The following ARHGEF10L variants were observed in gnomAD, a reference collection of about 807,000 sequenced individuals.
The protein encoded by ARHGEF10L is Rho guanine nucleotide exchange factor 10 like, also known as rho guanine nucleotide exchange factor 10-like protein.
A neutral mutation model predicts 141.2 loss-of-function variants in ARHGEF10L; 69 were observed. The observed-to-expected ratio is 0.49, with a 90% CI of 0.40 to 0.60. The LOEUF (loss-of-function observed/expected upper bound fraction) is 0.60. Ranked by LOEUF, ARHGEF10L falls within the 20% of genes least tolerant of loss-of-function variation. The pLI is 0.00. For missense variants in ARHGEF10L, 1,482 were observed against 1,734.3 expected, an observed-to-expected ratio of 0.85 and a Z score of 2.58; for synonymous variants, 711 against 718.5, an observed-to-expected ratio of 0.99 and a Z score of 0.17.
intron 27 of ARHGEF10L, among the ~76,000 whole-genome samples, chr1:17,693,042 G>A (rs1396304058): frequency 1.3e-5 from 2 of 152,172 alleles, no homozygotes; most frequent in Admixed American, 1.3e-4. Flanking sequence ...GCTCTGCCCT[G>A]TCGCCCTGTT....
chr1:17,671,893 G>A (rs925770750), intron 26 of ARHGEF10L, among the ~76,000 whole-genome samples: 3 of 152,250 alleles, frequency 2.0e-5, no homozygotes, highest in African/African-American at 7.2e-5. Context: ...GCTCAGTAAA[G>A]GGTGGTTAAG....
At chr1:17,578,176 TG>T in intron 1 of ARHGEF10L, among the ~76,000 whole-genome samples, 1 of 152,250 alleles carries the variant, frequency 6.6e-6, no homozygotes, top group East Asian at 1.9e-4. Flanking sequence ...CTGGAACTCT[TG>T]GGGCAGCAGA....
chr1:17,556,318 T>C (rs972553070), intron 1 of ARHGEF10L, among the ~76,000 whole-genome samples: 12 of 63,752 alleles, frequency 1.9e-4, no homozygotes, highest in Admixed American at 3.3e-4. Context: ...AGCACGGGGG[T>C]GGGCCTGGGA....
At chr1:17,679,430 T>C (rs1286661371) in intron 26 of ARHGEF10L, among the ~76,000 whole-genome samples, 1 of 152,110 alleles carries the variant, frequency 6.6e-6, no homozygotes, top group Non-Finnish European at 1.5e-5. Flanking sequence ...TGACCAAGTG[T>C]CTTGGTTTGC....
At chr1:17,628,621 G>A (rs1571064893) in intron 15 of ARHGEF10L, among the ~76,000 whole-genome samples, 2 of 152,258 alleles carry the variant, frequency 1.3e-5, no homozygotes, top group Middle Eastern at 6.8e-3. Flanking sequence ...AACGGATACT[G>A]TGTGAGGTCA....
chr1:17,650,121 A>G (rs2061830595), intron 22 of ARHGEF10L, among the ~76,000 whole-genome samples: 1 of 152,152 alleles, frequency 6.6e-6, no homozygotes, highest in South Asian at 2.1e-4. Flanking sequence ...ATAAGAATGG[A>G]TACCGGGACT....
chr1:17,669,362 C>T (rs781281171), intron 26 of ARHGEF10L, among the ~76,000 whole-genome samples: 21 of 152,272 alleles, frequency 1.4e-4, no homozygotes, highest in South Asian at 8.3e-4. Context: ...GTATACTGAG[C>T]GATTCCTTTG....
intron 20 of ARHGEF10L, 108 bp downstream of exon 20, chr1:17,638,797 T>C: frequency 6.7e-7 from 1 of 1,503,622 alleles, no homozygotes; most frequent in East Asian, 2.3e-5. Context: ...CGAGATGCCA[T>C]GGTGGGAGTG....
At chr1:17,608,691 G>T (rs760580305) in intron 7 of ARHGEF10L, among the ~76,000 whole-genome samples, 4 of 152,122 alleles carry the variant, frequency 2.6e-5, no homozygotes, top group Admixed American at 6.5e-5. Flanking sequence ...GTGTCTGTCC[G>T]TGCTGAGATT....
chr1:17,640,049 C>T, intron 20 of ARHGEF10L, 153 bp from the exon 21 acceptor site: 1 of 1,474,286 alleles, frequency 6.8e-7, no homozygotes. Flanking sequence ...CTTTGCCAAG[C>T]CACTGACCTC....
the ARHGEF10L span, among the ~76,000 whole-genome samples, chr1:17,519,970 C>T: frequency 3.9e-5 from 6 of 152,342 alleles, no homozygotes; most frequent in Non-Finnish European, 1.5e-5. Context: ...TCCACCTTCT[C>T]TGGCTAAAAG....
At chr1:17,672,473 G>A (rs1042633223) in intron 26 of ARHGEF10L, among the ~76,000 whole-genome samples, 2 of 152,158 alleles carry the variant, frequency 1.3e-5, no homozygotes, top group African/African-American at 2.4e-5. Context: ...AGGAGCTGCC[G>A]AGGAGGAGCG....
intron 1 of ARHGEF10L, among the ~76,000 whole-genome samples, chr1:17,544,457 G>T (rs532827688): frequency 6.6e-6 from 1 of 150,626 alleles, no homozygotes; most frequent in South Asian, 2.1e-4. Context: ...ACTACTCCCG[G>T]CTAATTTTTG....
intron 1 of ARHGEF10L, among the ~76,000 whole-genome samples, chr1:17,547,950 C>T (rs567317833): frequency 4.6e-5 from 7 of 152,224 alleles, no homozygotes; most frequent in African/African-American, 1.7e-4. Flanking sequence ...GGGTACCCTG[C>T]TCCCTGCTGG....
upstream of ARHGEF10L, among the ~76,000 whole-genome samples, chr1:17,537,676 A>C (rs2076594480): frequency 6.6e-6 from 1 of 152,092 alleles, no homozygotes; most frequent in African/African-American, 2.4e-5. Flanking sequence ...GGTAAGGGGC[A>C]TCCTGAGCTG....
At chr1:17,677,629 C>T (rs940309313) in intron 26 of ARHGEF10L, among the ~76,000 whole-genome samples, 1 of 152,218 alleles carries the variant, frequency 6.6e-6, no homozygotes, top group African/African-American at 2.4e-5. Context: ...CCACCATCCA[C>T]TTAATCTGTA....
chr1:17,686,470 C>T (rs745726931), intron 26 of ARHGEF10L, among the ~76,000 whole-genome samples: 4 of 152,158 alleles, frequency 2.6e-5, no homozygotes, highest in Non-Finnish European at 5.9e-5. Flanking sequence ...GTAGGTATTC[C>T]AGGCTAGACA....
intron 22 of ARHGEF10L, among the ~76,000 whole-genome samples, chr1:17,652,717 G>A (rs1230257898): frequency 1.3e-5 from 2 of 152,102 alleles, no homozygotes; most frequent in East Asian, 1.9e-4. Context: ...AGGGTTCAGC[G>A]CAAACCCATT....
At position 17,607,639 on chromosome 1, in the gene ARHGEF10L, A is replaced by T. The variant is rs1405422924; in HGVS notation, c.434-163A>T. On this transcript the variant is annotated intron_variant, in intron 6 of 28. Transcript: ENST00000361221. This position sits in a 1 kb window ranked among gnomAD's most constrained non-coding sequence, Gnocchi z 4.5. ...CCTACGAGGGGGAAAATGTATTATCATCTTCGTTTCATGGTTGAGGAGGTA... is the reference window on the plus strand; with the variant it reads ...CCTACGAGGGGGAAAATGTATTATCTTCTTCGTTTCATGGTTGAGGAGGTA... 6.6e-6 allele frequency among the ~76,000 whole-genome samples: 1 copy of T among 152,070 alleles called. No homozygotes were observed. Among genetic ancestry groups the T allele is most frequent in the African/African-American group, 2.4e-5 (1 of 41,402 alleles).
Sources: gnomAD v4.1 joint callset for allele counts (sites outside exome capture counted in the v4.1 genomes callset) on GRCh38, gnomAD v4.1.1 for gene constraint, Gnocchi (gnomAD v3.1) non-coding constraint, MANE v1.5 for transcripts, NCBI Gene and HGNC (gene_info 2026-07-23, HGNC 2026-07-21) for gene names.